Variants in LRP8 observed in about 807,000 individuals in gnomAD.
The protein encoded by LRP8 is low-density lipoprotein receptor-related protein 8.
A neutral mutation model predicts 111.6 loss-of-function variants in LRP8; 46 were observed. That is an observed-to-expected ratio of 0.41 (90% CI 0.33 to 0.53). LRP8 has a LOEUF of 0.53. Ranked by LOEUF, LRP8 falls within the 20% of genes least tolerant of loss-of-function variation. The probability of loss-of-function intolerance (pLI) is 0.20; values close to 1 mark genes in which losing one functional copy is unlikely to be tolerated. For synonymous variants in LRP8, 464 were observed against 511.2 expected (o/e 0.91, Z 1.24); for missense variants, 959 against 1,297.4 (o/e 0.74, Z 4.01).
chr1:53,282,232 C>T (rs1047572278), intron 3 of LRP8, among the ~76,000 whole-genome samples: 1 of 152,176 alleles, frequency 6.6e-6, no homozygotes, highest in Admixed American at 6.5e-5. Context: ...TCTTAGGCCC[C>T]TGAAAGTGAG....
rs58729455 is a variant in LRP8 at position 53,285,353 on chromosome 1, G to A, written c.367+4214C>T. ...CTGAGCCTTTGGGCAGGTTCTGCACGATGGCCATCTGATGTCCACTCTCAG... is the reference window on the plus strand; with the variant it reads ...CTGAGCCTTTGGGCAGGTTCTGCACAATGGCCATCTGATGTCCACTCTCAG... On this transcript the variant is annotated intron_variant, in intron 3 of 18. Transcript: ENST00000306052. Among the ~76,000 whole-genome samples, 1,200 of 152,232 alleles carry A rather than the reference G, an allele frequency of 7.9e-3. 13 individuals carry two copies. Among genetic ancestry groups the A allele is most frequent in the African/African-American group, 0.027 (1,123 of 41,528 alleles).
In LRP8 at chr1:53,298,686, C is replaced by T. The variant is rs530648352; in HGVS notation, c.245-8997G>A. On this transcript the variant is annotated intron_variant, in intron 2 of 18. Coordinates refer to ENST00000306052, the MANE Select transcript of LRP8 (RefSeq NM_004631.5). ...CTCCCAGCCTCACATTCCCCTTCCA[C>T]TCCTACCCCAGTGGAAACGTGGCCT... 2.6e-4 allele frequency among the ~76,000 whole-genome samples: 40 copies of T among 152,306 alleles called. No homozygotes were observed. The South Asian group carries it at 8.3e-3, about 32-fold the overall frequency.
chr1:53,278,110 G>T (rs1204351917), intron 4 of LRP8, among the ~76,000 whole-genome samples: 1 of 152,226 alleles, frequency 6.6e-6, no homozygotes, highest in Non-Finnish European at 1.5e-5. Context: ...GGAAACTGAG[G>T]CCCAGAGAGA....
chr1:53,277,775 C>T (rs1483566804), intron 4 of LRP8, among the ~76,000 whole-genome samples: 2 of 152,216 alleles, frequency 1.3e-5, no homozygotes, highest in Non-Finnish European at 2.9e-5. Flanking sequence ...GAAATCTCTG[C>T]CTCTGCCCTC....
chr1:53,275,559 T>G lies in LRP8; in HGVS notation c.1006+72A>C. 6.3e-7 allele frequency: 1 copy of G among 1,578,874 alleles called. No homozygotes were observed. The highest frequency in any genetic ancestry group is 2.3e-5 in the East Asian group (1 of 43,994). ...ACCAAGGGGAAACTCCTCCCAACTC[T>G]GCCCTCTGGAGAGTTACCAGAGCCT... is the stretch of plus-strand genomic sequence containing the variant. On this transcript the variant is annotated intron_variant, in intron 6 of 18. Transcript: ENST00000306052. This position sits in a 1 kb window ranked among gnomAD's most constrained non-coding sequence, Gnocchi z 4.4.
At position 53,275,893 on chromosome 1, in the gene LRP8, C is replaced by T; in HGVS notation, c.884-140G>A. ...GAACTCAGGAGTCCTCAAAGGACAC[C>T]TGGCCAAGGCACCTCAGTGTACAGA... On this transcript the variant is annotated intron_variant, in intron 5 of 18. Transcript: ENST00000306052. This position sits in a 1 kb window ranked among gnomAD's most constrained non-coding sequence, Gnocchi z 4.4. The T allele has an allele frequency of 9.7e-7, 1 of 1,033,742 alleles. No individual in the cohort carries two copies. The highest frequency in any genetic ancestry group is 1.4e-6 in the Non-Finnish European group (1 of 717,810). The allele number at this position is 1,033,742 out of a possible 1,614,324, so 64.0% of individuals were successfully genotyped here.
At chr1:53,292,802 G>T (rs1384495714) in intron 2 of LRP8, among the ~76,000 whole-genome samples, 1 of 152,166 alleles carries the variant, frequency 6.6e-6, no homozygotes, top group African/African-American at 2.4e-5. Flanking sequence ...TCACAGCTGG[G>T]GGGAGCAGGG....
intron 3 of LRP8, 36 bp downstream of exon 3, chr1:53,289,531 G>C: frequency 6.4e-7 from 1 of 1,567,928 alleles, no homozygotes; most frequent in Non-Finnish European, 8.7e-7. Context: ...AGGAAACTGA[G>C]GCCCACCCCC....
intron 2 of LRP8, among the ~76,000 whole-genome samples, chr1:53,307,981 C>T (rs1189729646): frequency 2.6e-5 from 4 of 152,168 alleles, no homozygotes; most frequent in Admixed American, 6.5e-5. Context: ...ATCCTGGTTC[C>T]AACAGTGCTC....
Position 53,262,072 on chromosome 1 carries a change from A to G in LRP8, c.1910T>C (p.Phe637Ser). ...FLSHPFGIAVFEDKVFWTDLE... is the reference protein window; with the variant it reads ...FLSHPFGIAVSEDKVFWTDLE... ...GCCTCTCCTTACAGGACTCACCTCA[A>G]ACACAGCTATCCCAAAAGGGTGGCT... The change falls in exon 12 of 19, where the codon TTT (phenylalanine) becomes TCT (serine). Residue 637 changes from phenylalanine (F) to serine (S), a missense_variant. By Grantham distance (155) the Phe-to-Ser change is radical. Around this residue, in one of 3 missense-constraint regions of LRP8, gnomAD observed 819 missense variants for 1,097.6 expected, o/e 0.75. Transcript: ENST00000306052. The surrounding 1 kb of genome is among the most constrained non-coding windows in gnomAD (Gnocchi z 4.8). 1 of 1,614,190 alleles carries G rather than the reference A, an allele frequency of 6.2e-7. No homozygotes were observed. Among genetic ancestry groups the G allele is most frequent in the South Asian group, 1.1e-5 (1 of 91,084 alleles).
intron 2 of LRP8, among the ~76,000 whole-genome samples, chr1:53,300,811 G>A (rs1013483677): frequency 2.0e-5 from 3 of 152,168 alleles, no homozygotes; most frequent in African/African-American, 4.8e-5. Context: ...GTTCCAGACC[G>A]TCTCAGTAGT....
At chr1:53,325,591 T>C (rs1655026961) in intron 2 of LRP8, among the ~76,000 whole-genome samples, 3 of 152,262 alleles carry the variant, frequency 2.0e-5, no homozygotes, top group South Asian at 4.1e-4. Flanking sequence ...AGTCTAGTTC[T>C]GCCACGCACA....
intron 4 of LRP8, 77 bp from the exon 5 acceptor site, chr1:53,277,155 G>A: frequency 7.4e-7 from 1 of 1,359,600 alleles, no homozygotes; most frequent in African/African-American, 1.5e-5. Flanking sequence ...CCGGCTACAG[G>A]GGCTCCGACC....
At chr1:53,314,217 C>T (rs960598844) in intron 2 of LRP8, among the ~76,000 whole-genome samples, 7 of 152,344 alleles carry the variant, frequency 4.6e-5, no homozygotes, top group Middle Eastern at 3.4e-3. Context: ...TGCTGCCCTG[C>T]TACCCAGGAG....
At chr1:53,308,151 G>C (rs1652334793) in intron 2 of LRP8, among the ~76,000 whole-genome samples, 1 of 152,220 alleles carries the variant, frequency 6.6e-6, no homozygotes, top group Admixed American at 6.5e-5. Context: ...ATGGAGGTGG[G>C]CTCGGGGCTG....
chr1:53,294,162 C>T lies in LRP8; in HGVS notation c.245-4473G>A, dbSNP rs1649267342. 6.6e-6 allele frequency among the ~76,000 whole-genome samples: 1 copy of T among 152,210 alleles called. No individual in the cohort carries two copies. The highest frequency in any genetic ancestry group is 6.5e-5 in the Admixed American group (1 of 15,284). On this transcript the variant is annotated intron_variant, in intron 2 of 18. Transcript: ENST00000306052. The surrounding 1 kb of genome is among the most constrained non-coding windows in gnomAD (Gnocchi z 4.1). ...CCTGTTTCCAGGGATTTATGTCCCC[C>T]CATGCCAGTCTGCCCCTTGGACAAT... is the stretch of plus-strand genomic sequence containing the variant.
rs887638726 is a variant in LRP8 at position 53,317,776 on chromosome 1, C to T, written c.244+9097G>A. 2.0e-5 allele frequency among the ~76,000 whole-genome samples: 3 copies of T among 152,220 alleles called. No individual in the cohort carries two copies. Among genetic ancestry groups the T allele is most frequent in the African/African-American group, 7.2e-5 (3 of 41,450 alleles). ...CTCATGAAGCTGGTGGGCCTCACTC[C>T]ATTTTTCTCCATCACTGCACTGCAT... On this transcript the variant is annotated intron_variant, in intron 2 of 18. Transcript: ENST00000306052. The surrounding 1 kb of genome is among the most constrained non-coding windows in gnomAD (Gnocchi z 4.9).
rs1646889773 is a variant in LRP8, at chr1:53,275,538, A to G, written c.1006+93T>C. The stretch of plus-strand genomic sequence containing the variant: ...GGGGGAAAATGCATCTTGGGGACCA[A>G]GGGGAAACTCCTCCCAACTCTGCCC... On this transcript the variant is annotated intron_variant, in intron 6 of 18. Coordinates refer to ENST00000306052, the MANE Select transcript of LRP8 (RefSeq NM_004631.5). The surrounding 1 kb of genome is among the most constrained non-coding windows in gnomAD (Gnocchi z 4.4). The G allele has an allele frequency of 6.6e-7, 1 of 1,523,116 alleles. No homozygotes were observed. Among genetic ancestry groups the G allele is most frequent in the Admixed American group, 1.9e-5 (1 of 52,592 alleles). 94.4% of individuals were successfully genotyped at this position (1,523,116 alleles called of 1,614,324 possible). A position where few individuals can be genotyped will look rare whatever the true frequency, so the allele number is the denominator to read the frequency against.
chr1:53,252,041 CAA>C (rs776015082), intron 16 of LRP8, among the ~76,000 whole-genome samples: 23 of 53,710 alleles, frequency 4.3e-4, no homozygotes, highest in Admixed American at 1.2e-3. Context: ...GACCTTGTCT[CAA>C]AAAAAAAAAA....
Sources: gnomAD v4.1 joint callset for allele counts (sites outside exome capture counted in the v4.1 genomes callset) on GRCh38, gnomAD v4.1.1 for gene constraint, gnomAD v4.1.1 regional missense constraint, Gnocchi (gnomAD v3.1) non-coding constraint, MANE v1.5 for transcripts, NCBI Gene and HGNC (gene_info 2026-07-23, HGNC 2026-07-21) for gene names.